RBM6: variants seen among roughly 807,000 people sequenced by gnomAD.
RBM6 encodes the protein RNA-binding protein 6.
A neutral mutation model predicts 140.4 loss-of-function variants in RBM6; 23 were observed. That is an observed-to-expected ratio of 0.16 (90% CI 0.12 to 0.23). The LOEUF (loss-of-function observed/expected upper bound fraction) is 0.23, where lower values mean the gene tolerates loss of function less well. Among genes scored for constraint, RBM6 ranks in the 10% least tolerant of loss-of-function variants. The pLI is 1.00. For missense variants in RBM6, 1,139 were observed against 1,386.7 expected (o/e 0.82, Z 2.84); for synonymous variants, 439 against 475.6 (o/e 0.92, Z 1.00).
At position 49,971,725 on chromosome 3, in the gene RBM6, C is replaced by T. The variant is rs142757963; in HGVS notation, c.1324-334C>T. On this transcript the variant is annotated intron_variant, in intron 3 of 20. Transcript: ENST00000266022. ...CTAATTTTTGTATTTTTAGTAGAGA[C>T]GGTTTTACCATGTTGGCTAGGCTGA... 7.0e-3 allele frequency among the ~76,000 whole-genome samples: 1,066 copies of T among 151,962 alleles called. 15 individuals are homozygous for T. Among genetic ancestry groups the T allele is most frequent in the African/African-American group, 0.024 (1,014 of 41,456 alleles).
chr3:49,964,769 C>T (rs554795896), intron 2 of RBM6, among the ~76,000 whole-genome samples: 16 of 152,220 alleles, frequency 1.1e-4, no homozygotes, highest in East Asian at 1.9e-4. Context: ...ATAGAATTAA[C>T]GTGGTTTAGG....
chr3:49,943,857 A>G (rs553184138), intron 1 of RBM6, among the ~76,000 whole-genome samples: 2 of 152,078 alleles, frequency 1.3e-5, no homozygotes, highest in South Asian at 2.1e-4. Flanking sequence ...AAGGGTTCCA[A>G]TTTTCCCACA....
At chr3:50,015,974 GATACA>G (rs1336815512) in intron 6 of RBM6, among the ~76,000 whole-genome samples, 2 of 152,146 alleles carry the variant, frequency 1.3e-5, no homozygotes, top group African/African-American at 4.8e-5. Context: ...TTTTGAAATA[GATACA>G]ATACATTGTT....
intron 6 of RBM6, among the ~76,000 whole-genome samples, chr3:50,010,855 A>G (rs191142214): frequency 1.7e-5 from 2 of 117,994 alleles, no homozygotes; most frequent in African/African-American, 3.3e-5. Context: ...GTGAGCTGAG[A>G]TTGTACCACT....
At chr3:49,999,385 T>C in intron 5 of RBM6, 55 bp from the exon 6 acceptor site, 1 of 1,456,368 alleles carries the variant, frequency 6.9e-7, no homozygotes, top group Non-Finnish European at 9.6e-7. Flanking sequence ...AGTGTGTCTT[T>C]TGTGTTTGCA....
chr3:49,968,201 G>A lies in RBM6; in HGVS notation c.776G>A (p.Gly259Asp), dbSNP rs769536516. ...GATACGCCACATTCAGATTTCAGAG[G>A]TAGACACCGATCTAGGACTGATCAG... Reference protein sequence around the residue: ...DRDTPHSDFRGRHRSRTDQDF... With the variant: ...DRDTPHSDFRDRHRSRTDQDF... The change falls in exon 3 of 21, where the codon GGT becomes GAT. Residue 259 changes from glycine to aspartate, a missense_variant. Transcript: ENST00000266022. The A allele has an allele frequency of 6.2e-7, 1 of 1,614,112 alleles. No individual in the cohort carries two copies. The highest frequency in any genetic ancestry group is 1.1e-5 in the South Asian group (1 of 91,078).
chr3:50,005,469 A>G (rs1294416920), intron 6 of RBM6, among the ~76,000 whole-genome samples: 3 of 149,746 alleles, frequency 2.0e-5, no homozygotes, highest in Non-Finnish European at 4.4e-5. Context: ...CTGCACTGCA[A>G]CCTGGGCGAC....
chr3:49,948,434 G>A (rs990342790), intron 1 of RBM6, among the ~76,000 whole-genome samples: 1 of 151,998 alleles, frequency 6.6e-6, no homozygotes, highest in African/African-American at 2.4e-5. Context: ...TAAGGCACAA[G>A]AATTGCTTGA....
intron 1 of RBM6, among the ~76,000 whole-genome samples, chr3:49,957,835 CTT>C (rs367565471): frequency 5.6e-5 from 8 of 143,502 alleles, no homozygotes; most frequent in Admixed American, 7.0e-5. Context: ...ATCTTTCTTT[CTT>C]TTTTTTTTTT....
intron 6 of RBM6, among the ~76,000 whole-genome samples, chr3:50,015,431 A>AT (rs1203865246): frequency 1.2e-4 from 18 of 145,772 alleles, no homozygotes; most frequent in Admixed American, 3.4e-4. Context: ...TATTATTATT[A>AT]TTTTTTTTTT....
At chr3:50,043,588 C>T (rs1344673758) in intron 6 of RBM6, among the ~76,000 whole-genome samples, 2 of 151,262 alleles carry the variant, frequency 1.3e-5, no homozygotes, top group Non-Finnish European at 2.9e-5. Context: ...ATATATGGCC[C>T]CTCTTTTTTT....
At chr3:50,048,468 C>T in intron 7 of RBM6, 149 bp downstream of exon 7, 1 of 1,434,984 alleles carries the variant, frequency 7.0e-7, no homozygotes, top group Non-Finnish European at 9.1e-7. Flanking sequence ...GAGGTCAAGA[C>T]AAGGTCATTC....
chr3:50,035,687 AAAAT>A (rs2088492511), intron 6 of RBM6, among the ~76,000 whole-genome samples: 1 of 152,148 alleles, frequency 6.6e-6, no homozygotes, highest in South Asian at 2.1e-4. Context: ...GTCTCAAAAA[AAAAT>A]AAATAAAAAA....
At chr3:50,060,286 G>A (rs1410217912) in intron 11 of RBM6, among the ~76,000 whole-genome samples, 2 of 152,112 alleles carry the variant, frequency 1.3e-5, no homozygotes, top group African/African-American at 4.8e-5. Flanking sequence ...TATTTCCATA[G>A]CACTGGGAAA....
intron 6 of RBM6, among the ~76,000 whole-genome samples, chr3:50,015,300 G>A (rs1288671731): frequency 6.6e-6 from 1 of 150,714 alleles, no homozygotes; most frequent in Admixed American, 6.6e-5. Flanking sequence ...CAGAGGCGGG[G>A]TTTCACCATA....
intron 7 of RBM6, among the ~76,000 whole-genome samples, chr3:50,050,818 T>G (rs1012694240): frequency 1.3e-5 from 2 of 152,288 alleles, no homozygotes; most frequent in African/African-American, 4.8e-5. Context: ...TCCTAATGAC[T>G]TTGAGGGTTT....
chr3:50,069,480 C>T (rs1490437274), intron 18 of RBM6, among the ~76,000 whole-genome samples: 1 of 148,742 alleles, frequency 6.7e-6, no homozygotes, highest in African/African-American at 2.5e-5. Flanking sequence ...TGCGCTCCAG[C>T]CTGGGTCATA....
intron 6 of RBM6, among the ~76,000 whole-genome samples, chr3:50,006,590 T>A (rs1218701542): frequency 1.3e-5 from 2 of 152,188 alleles, no homozygotes; most frequent in African/African-American, 4.8e-5. Flanking sequence ...TAACGTACTC[T>A]CACACACATC....
At chr3:49,952,664 A>G (rs1177688044) in intron 1 of RBM6, among the ~76,000 whole-genome samples, 1 of 150,408 alleles carries the variant, frequency 6.6e-6, no homozygotes, top group Admixed American at 6.7e-5. Flanking sequence ...CACGCCAGCT[A>G]ATTTTGTATT....
Sources: allele counts gnomAD v4.1 joint callset (sites outside exome capture counted in the v4.1 genomes callset), GRCh38; gene constraint gnomAD v4.1.1; transcripts MANE v1.5; gene names NCBI Gene and HGNC (gene_info 2026-07-23, HGNC 2026-07-21).